Variants in EVPLL observed in about 807,000 individuals in gnomAD.
EVPLL encodes the protein envoplakin like, also known as envoplakin-like protein.
Under a neutral mutation model 46.2 loss-of-function variants are expected in EVPLL, and 39 were observed. That is an observed-to-expected ratio of 0.84 (90% confidence interval 0.65 to 1.10). The LOEUF (loss-of-function observed/expected upper bound fraction) is 1.10, where lower values mean the gene tolerates loss of function less well. EVPLL is among the 50% of genes least tolerant of loss of function. The probability of loss-of-function intolerance (pLI) is 0.00; values close to 1 mark genes in which losing one functional copy is unlikely to be tolerated. For missense variants in EVPLL, 385 were observed against 412.6 expected (o/e 0.93, Z 0.58); for synonymous variants, 156 against 165.8 (o/e 0.94, Z 0.46).
chr17:18,382,571 C>T lies in EVPLL; in HGVS notation c.405C>T (p.Arg135=), dbSNP rs146696963. The T allele has an allele frequency of 2.5e-5, 39 of 1,551,800 alleles. No individual in the cohort carries two copies. The East Asian group carries it at 9.3e-4, about 37-fold the overall frequency. The change falls in exon 5 of 11, where the codon CGC becomes CGT. Residue 135 remains arginine, a synonymous_variant. Coordinates refer to ENST00000399134, the MANE Select transcript of EVPLL (RefSeq NM_001145127.2). The stretch of plus-strand genomic sequence containing the variant: ...ATGGCGGAGCTGGAGGAACAGATCG[C>T]GGAGCTCAACATCGTGCAGAAGGAG... ...AGHGGAGGTD[R]GAQHRAEGDQ... is the part of the protein sequence containing the mutation.
chr17:18,381,019 T>C lies in EVPLL; in HGVS notation c.63+19T>C, dbSNP rs1051084350. ...GCAGCAGGTGAGAACCCGGCAGCAG[T>C]TGGCAGGGTGTGGGCAGGCTGGGTG... On this transcript the variant is annotated intron_variant, in intron 2 of 10. Coordinates refer to ENST00000399134, the MANE Select transcript of EVPLL (RefSeq NM_001145127.2). The surrounding 1 kb of genome is among the most constrained non-coding windows in gnomAD (Gnocchi z 4.2). 2.6e-6 allele frequency: 4 copies of C among 1,567,188 alleles called. No individual in the cohort carries two copies. The highest frequency in any genetic ancestry group is 3.8e-5 in the Admixed American group (2 of 53,022).
rs776065550 is a variant in EVPLL at position 18,382,796 on chromosome 17, C to G, written c.473-30C>G. 3.1e-6 allele frequency: 5 copies of G among 1,609,538 alleles called. No homozygotes were observed. In the African/African-American group the frequency reaches 5.3e-5, roughly 17 times the overall value. On this transcript the variant is annotated intron_variant, in intron 5 of 10. Transcript: ENST00000399134. ...CCGTCTCCCTGTGCCCCACCTCTCA[C>G]GGGCTTGTTTCTCCCCTTGGTCAAG... is the stretch of plus-strand genomic sequence containing the variant.
chr17:18,378,412 G>A (rs1987451842), intron 1 of EVPLL, among the ~76,000 whole-genome samples: 1 of 152,130 alleles, frequency 6.6e-6, no homozygotes, highest in African/African-American at 2.4e-5. Flanking sequence ...AGGACTGAGG[G>A]GGTGGGGTGG....
rs1175271360 is a variant in EVPLL, at chr17:18,385,424, T to G, written c.876+1837T>G. On this transcript the variant is annotated intron_variant, in intron 9 of 10. Transcript: ENST00000399134. ...GCCGGGTACCCACTGGGGCTCTGCT[T>G]CTCCCTTCACTAAGAGAAGAAAGAG... Among the ~76,000 whole-genome samples the G allele has an allele frequency of 1.1e-4, 12 of 106,408 alleles. 1 individual carries two copies. Among genetic ancestry groups the G allele is most frequent in the African/African-American group, 4.3e-4 (11 of 25,672 alleles). The allele number at this position is 106,408 out of a possible 152,430, so 69.8% of individuals were successfully genotyped here.
At position 18,381,417 on chromosome 17, in the gene EVPLL, G is replaced by A. The variant is rs766652199; in HGVS notation, c.114G>A (p.Thr38=). 240 of 1,606,378 alleles carry A rather than the reference G, an allele frequency of 1.5e-4. 1 individual carries two copies. The African/African-American group carries it at 2.7e-3, about 18-fold the overall frequency. ...AGGCCCTGCAGCACCAGCAGGAGAC[G>A]GGCAGCAGCCTGAAGGAGGCCGAGG... ...QSQALQHQQE[T]GSSLKEAEVL... Residue 38 remains threonine, a synonymous_variant, in exon 3 of 11, where the codon ACG becomes ACA. Coordinates refer to ENST00000399134, the MANE Select transcript of EVPLL (RefSeq NM_001145127.2). The surrounding 1 kb of genome is among the most constrained non-coding windows in gnomAD (Gnocchi z 4.2).
At chr17:18,383,458 G>C (rs771206075) in intron 8 of EVPLL, 34 bp from the exon 9 acceptor site, 1 of 1,547,868 alleles carries the variant, frequency 6.5e-7, no homozygotes, top group Admixed American at 2.0e-5. Context: ...CGGGGGCGGG[G>C]CGTGGTCCGA....
At position 18,383,022 on chromosome 17, in the gene EVPLL, C is replaced by T; in HGVS notation, c.512-3C>T. Reference sequence around the variant, plus strand: ...TGCTGCTGGCGGCGGGTCCTGAGCACAGAGGGCGGCGTCGTGGCGCGGGCA... The same window carrying T: ...TGCTGCTGGCGGCGGGTCCTGAGCATAGAGGGCGGCGTCGTGGCGCGGGCA... On this transcript the variant is annotated splice_polypyrimidine_tract_variant and splice_region_variant and intron_variant, in intron 6 of 10. Transcript: ENST00000399134. The T allele has an allele frequency of 6.4e-7, 1 of 1,558,474 alleles. No homozygotes were observed. The highest frequency in any genetic ancestry group is 8.6e-7 in the Non-Finnish European group (1 of 1,157,470).
Position 18,381,027 on chromosome 17 carries a change from G to T in EVPLL, c.63+27G>T. 5 of 1,560,402 alleles carry T rather than the reference G, an allele frequency of 3.2e-6. No individual in the cohort carries two copies. Among genetic ancestry groups the T allele is most frequent in the Non-Finnish European group, 4.3e-6 (5 of 1,152,808 alleles). On this transcript the variant is annotated intron_variant, in intron 2 of 10. Coordinates refer to ENST00000399134, the MANE Select transcript of EVPLL (RefSeq NM_001145127.2). This position sits in a 1 kb window ranked among gnomAD's most constrained non-coding sequence, Gnocchi z 4.2. ...TGAGAACCCGGCAGCAGTTGGCAGG[G>T]TGTGGGCAGGCTGGGTGGCATGGGA...
In EVPLL at chr17:18,381,902, G is replaced by A. The variant is rs1987591390; in HGVS notation, c.346+172G>A. 1 of 1,077,480 alleles carries A rather than the reference G, an allele frequency of 9.3e-7. No individual in the cohort carries two copies. The highest frequency in any genetic ancestry group is 1.6e-5 in the African/African-American group (1 of 64,156). 66.7% of individuals were successfully genotyped at this position (1,077,480 alleles called of 1,614,324 possible). A position where few individuals can be genotyped will look rare whatever the true frequency, so the allele number is the denominator to read the frequency against. On this transcript the variant is annotated intron_variant, in intron 4 of 10. Coordinates refer to ENST00000399134, the MANE Select transcript of EVPLL (RefSeq NM_001145127.2). The surrounding 1 kb of genome is among the most constrained non-coding windows in gnomAD (Gnocchi z 4.2). Reference sequence around the variant, plus strand: ...TCAGGGAAGACTTCCTGTAGGAGGAGGCACATGAAGAGACCTCAGAGGGGT... The same window carrying A: ...TCAGGGAAGACTTCCTGTAGGAGGAAGCACATGAAGAGACCTCAGAGGGGT...
At chr17:18,380,642 G>T in intron 1 of EVPLL, 1 of 354,740 alleles carries the variant, frequency 2.8e-6, no homozygotes, top group Non-Finnish European at 5.2e-6. Context: ...GCTGAGGCTG[G>T]GACACCGAGG....
chr17:18,378,111 G>A (rs1000743513), intron 1 of EVPLL, 128 bp downstream of exon 1: 8 of 364,506 alleles, frequency 2.2e-5, no homozygotes, highest in Admixed American at 1.0e-4. Context: ...GGTGTCCCGA[G>A]GACAAAGGGC....
chr17:18,383,298 C>G lies in EVPLL; in HGVS notation c.700C>G (p.Gln234Glu), dbSNP rs976921397. ...EHFKQHELLS[Q>E]EQSVNQLEED... ...CTTCAAGCAGCACGAGCTGCTGAGCCAGGAGCAGAGCGTAAACCAGCTGGA... is the reference window on the plus strand; with the variant it reads ...CTTCAAGCAGCACGAGCTGCTGAGCGAGGAGCAGAGCGTAAACCAGCTGGA... Residue 234 changes from glutamine to glutamate, a missense_variant, in exon 8 of 11, where the codon CAG becomes GAG. Coordinates refer to ENST00000399134, the MANE Select transcript of EVPLL (RefSeq NM_001145127.2). 3.1e-6 allele frequency: 5 copies of G among 1,599,932 alleles called. No homozygotes were observed. The highest frequency in any genetic ancestry group is 1.3e-5 in the African/African-American group (1 of 74,510).
In EVPLL at chr17:18,386,569, C is replaced by T. The variant is rs573936705; in HGVS notation, c.877-1650C>T. The T allele has an allele frequency of 3.3e-5, 5 of 152,256 alleles. No homozygotes were observed. The South Asian group carries it at 8.3e-4, about 25-fold the overall frequency. 9.4% of individuals were successfully genotyped at this position (152,256 alleles called of 1,614,324 possible). On this transcript the variant is annotated intron_variant, in intron 9 of 10. Transcript: ENST00000399134. ...AATCCGGGTGGCATTGTTTCCTCAC[C>T]GCCATGCCTCATGCAAGCAGCTGCC...
At chr17:18,380,648 C>T (rs1304743220) in intron 1 of EVPLL, 5 of 363,068 alleles carry the variant, frequency 1.4e-5, no homozygotes, top group East Asian at 4.5e-5. Flanking sequence ...GCTGGGACAC[C>T]GAGGCCGCCT....
chr17:18,387,403 CT>C (rs1305183648), intron 9 of EVPLL, among the ~76,000 whole-genome samples: 22 of 149,346 alleles, frequency 1.5e-4, no homozygotes, highest in African/African-American at 5.5e-4. Context: ...CTGTACCAGC[CT>C]CCCCAATGGC....
chr17:18,379,648 G>A (rs140688903), intron 1 of EVPLL, among the ~76,000 whole-genome samples: 56 of 152,306 alleles, frequency 3.7e-4, no homozygotes, highest in Admixed American at 2.8e-3. Context: ...CGATCCACTC[G>A]TTTGACATGA....
chr17:18,387,493 T>C (rs1238621588), intron 9 of EVPLL, among the ~76,000 whole-genome samples: 2 of 136,688 alleles, frequency 1.5e-5, no homozygotes, highest in Admixed American at 7.5e-5. Context: ...CATCTTGGGC[T>C]TCGTGGACCC....
rs953418933 is a variant in EVPLL, at chr17:18,377,886, A to T, written c.-134A>T. Reference sequence around the variant, plus strand: ...TGAGCCAGCACCTGCCTTTATGACCATGTTCAAGGGACTGAGCAAAGGCTC... The same window carrying T: ...TGAGCCAGCACCTGCCTTTATGACCTTGTTCAAGGGACTGAGCAAAGGCTC... On this transcript the variant is annotated 5_prime_UTR_variant, in exon 1 of 11. The change abolishes an upstream ATG in the 5' untranslated region. Coordinates refer to ENST00000399134, the MANE Select transcript of EVPLL (RefSeq NM_001145127.2). 2 of 1,083,234 alleles carry T rather than the reference A, an allele frequency of 1.8e-6. No homozygotes were observed. Among genetic ancestry groups the T allele is most frequent in the Non-Finnish European group, 2.6e-6 (2 of 755,612 alleles). 67.1% of individuals were successfully genotyped at this position (1,083,234 alleles called of 1,614,324 possible).
rs973576182 is a variant in EVPLL, at chr17:18,380,883, G to A, written c.-36-19G>A. 2.6e-6 allele frequency: 4 copies of A among 1,554,612 alleles called. No individual in the cohort carries two copies. In the African/African-American group the frequency reaches 4.1e-5, roughly 16 times the overall value. ...GGCCTCTTCCACCGAGCTGCCCACT[G>A]TCCCCTCCACCCACCAAGAATGCCA... On this transcript the variant is annotated intron_variant, in intron 1 of 10. Coordinates refer to ENST00000399134, the MANE Select transcript of EVPLL (RefSeq NM_001145127.2).
Sources: allele counts gnomAD v4.1 joint callset (sites outside exome capture counted in the v4.1 genomes callset), GRCh38; gene constraint gnomAD v4.1.1; non-coding constraint Gnocchi (gnomAD v3.1); transcripts MANE v1.5; gene names NCBI Gene and HGNC (gene_info 2026-07-23, HGNC 2026-07-21).